The following COL24A1 variants were observed in gnomAD, a reference collection of about 807,000 sequenced individuals.
The protein encoded by COL24A1 is collagen alpha-1(XXIV) chain.
In COL24A1, 224 loss-of-function variants were observed where a neutral mutation model predicts 253.9. The ratio of observed to expected loss-of-function variants is 0.88; its 90% CI spans 0.79 to 0.99. The LOEUF (loss-of-function observed/expected upper bound fraction) is 0.99. COL24A1 is among the 50% of genes least tolerant of loss of function. The pLI, the probability that COL24A1 is intolerant of heterozygous loss-of-function variation, is 0.00. For missense variants in COL24A1, 2,131 were observed against 2,068.5 expected (o/e 1.03, Z -0.59); for synonymous variants, 685 against 673.7 (o/e 1.02, Z -0.26).
At chr1:85,864,316 C>T (rs889710437) in intron 37 of COL24A1, among the ~76,000 whole-genome samples, 8 of 150,448 alleles carry the variant, frequency 5.3e-5, no homozygotes, top group African/African-American at 1.2e-4. Flanking sequence ...AACCAAACAC[C>T]GCATGTTCTC....
At position 85,876,507 on chromosome 1, in the gene COL24A1, G is replaced by C. The variant is rs535402548; in HGVS notation, c.3030+615C>G. 3.3e-4 allele frequency among the ~76,000 whole-genome samples: 50 copies of C among 152,230 alleles called. No homozygotes were observed. The South Asian group carries it at 7.5e-3, about 23-fold the overall frequency. On this transcript the variant is annotated intron_variant, in intron 33 of 59. Transcript: ENST00000370571. ...GGAAATCAATAATTGGATCTGAGGAGAGAGGTATAAAATACAGCTACCAAG... is the reference window on the plus strand; with the variant it reads ...GGAAATCAATAATTGGATCTGAGGACAGAGGTATAAAATACAGCTACCAAG...
At chr1:85,934,361 C>A (rs1232306733) in intron 24 of COL24A1, among the ~76,000 whole-genome samples, 1 of 152,128 alleles carries the variant, frequency 6.6e-6, no homozygotes, top group African/African-American at 2.4e-5. Context: ...GATTTAAATT[C>A]TATTCTTGGC....
chr1:86,137,599 C>T (rs1048970887), intron 2 of COL24A1, among the ~76,000 whole-genome samples: 3 of 152,124 alleles, frequency 2.0e-5, no homozygotes, highest in African/African-American at 4.8e-5. Context: ...CCTTTATTTG[C>T]TTCTGAAGTG....
At chr1:86,042,322 A>C (rs1404135811) in intron 12 of COL24A1, among the ~76,000 whole-genome samples, 1 of 152,176 alleles carries the variant, frequency 6.6e-6, no homozygotes, top group African/African-American at 2.4e-5. Flanking sequence ...AAAATATACC[A>C]AATTCCTAAC....
chr1:85,943,048 G>C (rs928941893), intron 24 of COL24A1, among the ~76,000 whole-genome samples: 6 of 152,156 alleles, frequency 3.9e-5, no homozygotes, highest in African/African-American at 7.2e-5. Flanking sequence ...TGTTAGCAGG[G>C]AGTATCCAAT....
intron 45 of COL24A1, among the ~76,000 whole-genome samples, chr1:85,818,947 A>G (rs964067296): frequency 6.6e-6 from 1 of 152,240 alleles, no homozygotes; most frequent in Admixed American, 6.5e-5. Flanking sequence ...ACAAAGAAAC[A>G]ACTTCAAAAG....
chr1:85,967,596 T>A (rs1691692188), intron 22 of COL24A1, among the ~76,000 whole-genome samples: 1 of 152,026 alleles, frequency 6.6e-6, no homozygotes. Flanking sequence ...ACTGTAGCAG[T>A]GAGTAGCTGA....
In COL24A1 at chr1:85,730,299, C is replaced by T. The variant is rs772664194; in HGVS notation, c.*247G>A. ...ATTCCATATTTATAAATTTTTAGTT[C>T]TAGGGAATTCTCTAAGAAAGCTGAG... is the stretch of plus-strand genomic sequence containing the variant. On this transcript the variant is annotated 3_prime_UTR_variant, in exon 60 of 60. Transcript: ENST00000370571. 22 of 307,914 alleles carry T rather than the reference C, an allele frequency of 7.1e-5. 1 individual carries two copies. Among genetic ancestry groups the T allele is most frequent in the Non-Finnish European group, 1.2e-4 (20 of 166,772 alleles). 19.1% of individuals were successfully genotyped at this position (307,914 alleles called of 1,614,324 possible). A position where few individuals can be genotyped will look rare whatever the true frequency, so the allele number is the denominator to read the frequency against.
In COL24A1 at chr1:86,059,103, T is replaced by G. The variant is rs1376206323; in HGVS notation, c.1806+18A>C. On this transcript the variant is annotated intron_variant, in intron 9 of 59. Transcript: ENST00000370571. ...AAATAGGAACACAAAGAGAAAAGTC[T>G]AAATATAGTTACTGCACCTGCCTGC... The G allele has an allele frequency of 6.3e-7, 1 of 1,585,130 alleles. No homozygotes were observed. Among genetic ancestry groups the G allele is most frequent in the South Asian group, 1.1e-5 (1 of 88,136 alleles).
At chr1:85,838,678 G>T (rs1197795204) in intron 42 of COL24A1, 40 bp from the exon 43 acceptor site, 15 of 1,586,806 alleles carry the variant, frequency 9.5e-6, no homozygotes, top group Non-Finnish European at 1.3e-5. Flanking sequence ...TTTACAGCTG[G>T]ATCAAAGTAT....
chr1:86,123,286 A>C (rs576256165), intron 3 of COL24A1, among the ~76,000 whole-genome samples: 1 of 152,066 alleles, frequency 6.6e-6, no homozygotes, highest in East Asian at 1.9e-4. Flanking sequence ...ACAAGATCTT[A>C]TTCTGAATAG....
chr1:86,016,515 T>C (rs1489980284), intron 19 of COL24A1, among the ~76,000 whole-genome samples: 1 of 152,214 alleles, frequency 6.6e-6, no homozygotes, highest in Non-Finnish European at 1.5e-5. Context: ...GGCACACACA[T>C]ATCAATATGG....
chr1:85,925,158 C>CTT, intron 24 of COL24A1, among the ~76,000 whole-genome samples: 1 of 152,068 alleles, frequency 6.6e-6, no homozygotes, highest in African/African-American at 2.4e-5. Flanking sequence ...AACCACTGAA[C>CTT]AATGAAATAA....
At chr1:86,018,009 T>A (rs1283527528) in intron 18 of COL24A1, among the ~76,000 whole-genome samples, 1 of 152,146 alleles carries the variant, frequency 6.6e-6, no homozygotes, top group Non-Finnish European at 1.5e-5. Flanking sequence ...GAAAGAGAAG[T>A]AGGTATAAAG....
intron 14 of COL24A1, among the ~76,000 whole-genome samples, chr1:86,023,793 A>G (rs1697771845): frequency 6.6e-6 from 1 of 152,052 alleles, no homozygotes; most frequent in Non-Finnish European, 1.5e-5. Flanking sequence ...AATTTGAAAA[A>G]CAAAATGGCA....
rs1028169622 is a variant in COL24A1 at position 85,896,223 on chromosome 1, G to A, written c.2832+133C>T. 15 of 1,167,564 alleles carry A rather than the reference G, an allele frequency of 1.3e-5. No homozygotes were observed. The African/African-American group carries it at 2.3e-4, about 18-fold the overall frequency. 72.3% of individuals were successfully genotyped at this position (1,167,564 alleles called of 1,614,324 possible). ...TCTGCCTGTGTAGTAAAAACTTTATGCGTTTCATACTTAGACAAAGAGAAA... is the reference window on the plus strand; with the variant it reads ...TCTGCCTGTGTAGTAAAAACTTTATACGTTTCATACTTAGACAAAGAGAAA... On this transcript the variant is annotated intron_variant, in intron 29 of 59. Coordinates refer to ENST00000370571, the MANE Select transcript of COL24A1 (RefSeq NM_152890.7).
chr1:85,833,515 G>T (rs997402115), intron 43 of COL24A1, among the ~76,000 whole-genome samples: 5 of 152,170 alleles, frequency 3.3e-5, no homozygotes, highest in African/African-American at 1.2e-4. Context: ...TACACTGTTG[G>T]TGGGACTGTA....
At chr1:86,069,126 T>G (rs929566158) in intron 7 of COL24A1, among the ~76,000 whole-genome samples, 1 of 152,174 alleles carries the variant, frequency 6.6e-6, no homozygotes, top group African/African-American at 2.4e-5. Context: ...TTGCACCCTA[T>G]GTACCAGCTT....
chr1:86,080,968 A>G (rs1438806056), intron 7 of COL24A1, among the ~76,000 whole-genome samples: 1 of 152,192 alleles, frequency 6.6e-6, no homozygotes. Context: ...GGGAAAATTT[A>G]CAATTGTTCC....
Sources: gnomAD v4.1 joint callset for allele counts (sites outside exome capture counted in the v4.1 genomes callset) on GRCh38, gnomAD v4.1.1 for gene constraint, MANE v1.5 for transcripts, NCBI Gene and HGNC (gene_info 2026-07-23, HGNC 2026-07-21) for gene names.